RASA1: variants seen among roughly 807,000 people sequenced by gnomAD.
RASA1 encodes the protein ras GTPase-activating protein 1.
RASA1 carries 25 observed loss-of-function variants against 132.2 expected under a neutral mutation model. The observed-to-expected ratio is 0.19, with a 90% CI of 0.14 to 0.26. The LOEUF is 0.26. Ranked by LOEUF, RASA1 falls within the 10% of genes least tolerant of loss-of-function variation. The pLI, the probability that RASA1 is intolerant of heterozygous loss-of-function variation, is 1.00. For synonymous variants in RASA1, 477 were observed against 449.9 expected, an observed-to-expected ratio of 1.06 and a Z score of -0.76; for missense variants, 964 against 1,299.2, an observed-to-expected ratio of 0.74 and a Z score of 3.97.
intron 4 of RASA1, among the ~76,000 whole-genome samples, chr5:87,334,362 A>G (rs1161247035): frequency 6.6e-6 from 1 of 152,182 alleles, no homozygotes; most frequent in Non-Finnish European, 1.5e-5. Context: ...TCAGACCCTC[A>G]GTGAATTGGA....
chr5:87,313,796 A>T (rs1243716051), intron 1 of RASA1, among the ~76,000 whole-genome samples: 1 of 152,248 alleles, frequency 6.6e-6, no homozygotes, highest in Non-Finnish European at 1.5e-5. Flanking sequence ...CTGAAGAATG[A>T]GAGAGATTTC....
In RASA1 at chr5:87,391,052, A is replaced by G. The variant is rs1762477371; in HGVS notation, c.*169A>G. 2 of 717,210 alleles carry G rather than the reference A, an allele frequency of 2.8e-6. No individual in the cohort carries two copies. The highest frequency in any genetic ancestry group is 5.0e-6 in the Non-Finnish European group (2 of 399,926). 44.4% of individuals were successfully genotyped at this position (717,210 alleles called of 1,614,324 possible). ...GATTCTGCTGGTGAATAACTATGCC[A>G]GCAACCTTGTAAGCTATCTGTGCAG... On this transcript the variant is annotated 3_prime_UTR_variant, in exon 25 of 25. Coordinates refer to ENST00000274376, the MANE Select transcript of RASA1 (RefSeq NM_002890.3).
In RASA1 at chr5:87,374,278, G is replaced by T; in HGVS notation, c.1892G>T (p.Arg631Met). ...GTCCAAGTAGCAAAAACTCATGCAAGGGAAGGGCAAAACCCAGTATGGTCA... is the reference window on the plus strand; with the variant it reads ...GTCCAAGTAGCAAAAACTCATGCAATGGAAGGGCAAAACCCAGTATGGTCA... ...NSVQVAKTHA[R>M]EGQNPVWSEE... is the part of the protein sequence containing the mutation. Residue 631 changes from arginine (R) to methionine (M), a missense_variant, in exon 14 of 25, where the codon AGG becomes ATG. Transcript: ENST00000274376. 1 of 1,604,982 alleles carries T rather than the reference G, an allele frequency of 6.2e-7. No homozygotes were observed. Among genetic ancestry groups the T allele is most frequent in the South Asian group, 1.1e-5 (1 of 90,540 alleles).
chr5:87,369,891 A>C lies in RASA1; in HGVS notation c.1689A>C (p.Glu563Asp), dbSNP rs766252740. Residue 563 changes from glutamate (E) to aspartate (D), a missense_variant, in exon 12 of 25, where the codon GAA (glutamate) becomes GAC (aspartate). Physicochemically the swap from Glu to Asp is conservative, Grantham distance 45. This residue lies in a region of RASA1 where 346 missense variants were observed against 520.1 expected (regional missense o/e 0.67). Coordinates refer to ENST00000274376, the MANE Select transcript of RASA1 (RefSeq NM_002890.3). ...YIFYFAGETP[E>D]QAEDWMKGLQ... ...TTTACTTTGCAGGAGAAACTCCAGA[A>C]CAAGCAGAGGTAAGATTACTGTTTC... 6.2e-7 allele frequency: 1 copy of C among 1,606,660 alleles called. No individual in the cohort carries two copies.
Position 87,298,630 on chromosome 5 carries a change from TG to T in RASA1, c.539+29641del, listed in dbSNP as rs531935129. Among the ~76,000 whole-genome samples, 276 of 152,296 alleles carry T rather than the reference TG, an allele frequency of 1.8e-3. 1 individual carries two copies. The highest frequency in any genetic ancestry group is 0.01 in the Middle Eastern group (3 of 294). On this transcript the variant is annotated intron_variant, in intron 1 of 24. Transcript: ENST00000274376. The stretch of plus-strand genomic sequence containing the variant: ...AATAGCAAAAGATAATATTTGATAA[TG>T]TTTTTTTATTCTTAATAGTAAATAT...
intron 6 of RASA1, among the ~76,000 whole-genome samples, chr5:87,345,202 G>A (rs1758768638): frequency 6.6e-6 from 1 of 152,118 alleles, no homozygotes; most frequent in Admixed American, 6.6e-5. Flanking sequence ...TGCAAACCAT[G>A]TGGTTGAAAT....
chr5:87,376,915 C>T lies in RASA1; in HGVS notation c.2219C>T (p.Ala740Val), dbSNP rs1447538989. ...ILQKELHVVY[A>V]LSHVCGQDRT... ...CAAAAGGAACTTCATGTAGTCTATG[C>T]TTTATCACATGTATGTGGACAAGAC... The change falls in exon 17 of 25, where the codon GCT (alanine) becomes GTT (valine). Residue 740 changes from alanine to valine, a missense_variant. This residue lies in a region of RASA1 where 346 missense variants were observed against 520.1 expected (regional missense o/e 0.67). Coordinates refer to ENST00000274376, the MANE Select transcript of RASA1 (RefSeq NM_002890.3). The T allele has an allele frequency of 1.2e-6, 2 of 1,610,308 alleles. No individual in the cohort carries two copies. Among genetic ancestry groups the T allele is most frequent in the South Asian group, 2.2e-5 (2 of 91,008 alleles).
At chr5:87,332,004 T>C (rs1473195342) in intron 2 of RASA1, among the ~76,000 whole-genome samples, 1 of 152,106 alleles carries the variant, frequency 6.6e-6, no homozygotes, top group Admixed American at 6.6e-5. Flanking sequence ...TAGAAGAAAT[T>C]GAAAAAAATC....
rs1389954374 is a variant in RASA1, at chr5:87,268,605, C to T, written c.154C>T (p.Leu52=). 6.2e-7 allele frequency: 1 copy of T among 1,611,788 alleles called. No individual in the cohort carries two copies. The change falls in exon 1 of 25, where the codon CTG becomes TTG. Residue 52 remains leucine, a synonymous_variant. Transcript: ENST00000274376. The part of the protein sequence containing the change: ...LPVAAAPYPG[L]VETGVAGTLG... ...TGTGGCAGCCGCCCCCTATCCTGGG[C>T]TGGTGGAGACCGGAGTGGCTGGAAC...
chr5:87,331,852 A>G (rs759344876), intron 2 of RASA1, among the ~76,000 whole-genome samples: 3 of 152,120 alleles, frequency 2.0e-5, no homozygotes, highest in Non-Finnish European at 2.9e-5. Context: ...TTAAAACTCA[A>G]ATTTTGTGTC....
At chr5:87,375,492 C>T (rs1761264330) in intron 15 of RASA1, among the ~76,000 whole-genome samples, 1 of 152,180 alleles carries the variant, frequency 6.6e-6, no homozygotes, top group Non-Finnish European at 1.5e-5. Context: ...AACTCCTGAC[C>T]TCAGGTGATC....
At position 87,356,059 on chromosome 5, in the gene RASA1, C is replaced by A. The variant is rs558423782; in HGVS notation, c.1332+2824C>A. Among the ~76,000 whole-genome samples the A allele has an allele frequency of 9.3e-4, 141 of 152,260 alleles. 1 individual carries two copies. The highest frequency in any genetic ancestry group is 3.2e-3 in the African/African-American group (134 of 41,562). On this transcript the variant is annotated intron_variant, in intron 9 of 24. Transcript: ENST00000274376. ...AGATAGAATCTACTCCTGTGAAGAT[C>A]CTGTGATCGCTACTGAAATGAAAAC...
chr5:87,369,981 C>A, intron 12 of RASA1, 81 bp downstream of exon 12: 3 of 1,178,742 alleles, frequency 2.5e-6, no homozygotes, highest in Non-Finnish European at 3.8e-6. Context: ...AAAATGATCG[C>A]ATTCAAGATA....
chr5:87,338,206 T>C, intron 5 of RASA1, 115 bp downstream of exon 5: 10 of 1,506,748 alleles, frequency 6.6e-6, no homozygotes, highest in Non-Finnish European at 9.0e-6. Flanking sequence ...AAGAACTTAA[T>C]TGATAAGTAC....
At chr5:87,371,806 T>C (rs753766284) in intron 12 of RASA1, among the ~76,000 whole-genome samples, 5 of 152,116 alleles carry the variant, frequency 3.3e-5, no homozygotes, top group Admixed American at 6.6e-5. Context: ...TAGTATCTGT[T>C]TGGGAGAAAT....
intron 12 of RASA1, among the ~76,000 whole-genome samples, 177 bp from the exon 13 acceptor site, chr5:87,371,940 GT>G (rs1230924462): frequency 2.0e-5 from 3 of 151,050 alleles, no homozygotes; most frequent in African/African-American, 7.3e-5. Flanking sequence ...TATTGTTATT[GT>G]TATGTTATTG....
At chr5:87,331,840 G>T (rs2112367415) in intron 2 of RASA1, among the ~76,000 whole-genome samples, 1 of 152,176 alleles carries the variant, frequency 6.6e-6, no homozygotes, top group African/African-American at 2.4e-5. Flanking sequence ...AGGAAACCCT[G>T]TTTAAAACTC....
At chr5:87,296,068 T>C (rs934329464) in intron 1 of RASA1, among the ~76,000 whole-genome samples, 2 of 152,120 alleles carry the variant, frequency 1.3e-5, no homozygotes, top group African/African-American at 4.8e-5. Context: ...CTGCCTGCCT[T>C]GGCCTCCCAA....
At chr5:87,379,384 T>G (rs1302006097) in intron 18 of RASA1, among the ~76,000 whole-genome samples, 1 of 152,182 alleles carries the variant, frequency 6.6e-6, no homozygotes, top group Non-Finnish European at 1.5e-5. Context: ...GGAAAAGTTC[T>G]GAGAAAGGTT....
Sources: gnomAD v4.1 joint callset for allele counts (sites outside exome capture counted in the v4.1 genomes callset) on GRCh38, gnomAD v4.1.1 for gene constraint, gnomAD v4.1.1 regional missense constraint, MANE v1.5 for transcripts, NCBI Gene and HGNC (gene_info 2026-07-23, HGNC 2026-07-21) for gene names.